The following SIPA1L1 variants were observed in gnomAD, a reference collection of about 807,000 sequenced individuals.
SIPA1L1 encodes signal induced proliferation associated 1 like 1.
Under a neutral mutation model 162.7 loss-of-function variants are expected in SIPA1L1, and 26 were observed. The observed-to-expected ratio is 0.16, with a 90% CI of 0.12 to 0.22. The LOEUF (loss-of-function observed/expected upper bound fraction) is 0.22, where lower values mean the gene tolerates loss of function less well. Ranked by LOEUF, SIPA1L1 falls within the 10% of genes least tolerant of loss-of-function variation. SIPA1L1 has a pLI of 1.00. For missense variants in SIPA1L1, 1,874 were observed against 2,241.0 expected, an observed-to-expected ratio of 0.84 and a Z score of 3.31; for synonymous variants, 829 against 837.4, an observed-to-expected ratio of 0.99 and a Z score of 0.17.
At chr14:71,654,053 T>C (rs1332825367) in intron 8 of SIPA1L1, among the ~76,000 whole-genome samples, 1 of 152,248 alleles carries the variant, frequency 6.6e-6, no homozygotes, top group African/African-American at 2.4e-5. Context: ...GAGATAGCTC[T>C]ACTTCATGCA....
chr14:71,738,946 G>A lies in SIPA1L1; in HGVS notation c.5209-72G>A, dbSNP rs554267952. The A allele has an allele frequency of 2.3e-4, 343 of 1,520,152 alleles. 4 individuals carry two copies. In the South Asian group the frequency reaches 3.9e-3, roughly 17 times the overall value. 94.2% of individuals were successfully genotyped at this position (1,520,152 alleles called of 1,614,324 possible). A position where few individuals can be genotyped will look rare whatever the true frequency, so the allele number is the denominator to read the frequency against. On this transcript the variant is annotated intron_variant, in intron 23 of 23. Coordinates refer to ENST00000381232, the MANE Select transcript of SIPA1L1 (RefSeq NM_001386936.1). ...GACAAAAGATCAAAACGGGTCCATA[G>A]CTATTACTCAGAAGAGCTGGGCAAG... is the stretch of plus-strand genomic sequence containing the variant.
chr14:71,521,309 C>T (rs1258436043), intron 3 of SIPA1L1, among the ~76,000 whole-genome samples: 1 of 152,154 alleles, frequency 6.6e-6, no homozygotes, highest in Non-Finnish European at 1.5e-5. Context: ...AGGGACATCT[C>T]TGTATTTTTA....
rs1336097740 is a variant in SIPA1L1 at position 71,738,253 on chromosome 14, C to G, written c.5136C>G (p.Ser1712=). 6.2e-7 allele frequency: 1 copy of G among 1,611,892 alleles called. No homozygotes were observed. Among genetic ancestry groups the G allele is most frequent in the Admixed American group, 1.7e-5 (1 of 59,934 alleles). The change falls in exon 23 of 24, where the codon TCC becomes TCG. Residue 1712 remains serine, a synonymous_variant. Transcript: ENST00000381232. ...QMKPYSSSKD[S]SPTLASKVDQ... ...TTCTTGTTCCCAGCAGTAAAGACTC[C>G]TCTCCCACTCTGGCTTCTAAAGTGG...
intron 17 of SIPA1L1, among the ~76,000 whole-genome samples, chr14:71,722,619 A>T (rs1384666751): frequency 6.6e-6 from 1 of 152,232 alleles, no homozygotes; most frequent in African/African-American, 2.4e-5. Context: ...CACTTTTAAC[A>T]TGAGTTTTAG....
chr14:71,376,063 G>T (rs1213142895), intron 2 of SIPA1L1, among the ~76,000 whole-genome samples: 1 of 151,976 alleles, frequency 6.6e-6, no homozygotes. Context: ...AATGAGTTGG[G>T]CTTTGATCCC....
chr14:71,615,680 T>C (rs1461565394), intron 5 of SIPA1L1, among the ~76,000 whole-genome samples: 1 of 152,150 alleles, frequency 6.6e-6, no homozygotes, highest in East Asian at 1.9e-4. Context: ...CAGATGTGCG[T>C]GGGACAAACG....
At chr14:71,556,895 C>T (rs1022291928) in intron 4 of SIPA1L1, among the ~76,000 whole-genome samples, 18 of 151,908 alleles carry the variant, frequency 1.2e-4, no homozygotes, top group South Asian at 2.1e-4. Context: ...CTTTCCTTCC[C>T]GTAGGATATG....
At chr14:71,346,650 G>C (rs974050972) in intron 2 of SIPA1L1, among the ~76,000 whole-genome samples, 16 of 152,178 alleles carry the variant, frequency 1.1e-4, no homozygotes, top group African/African-American at 3.9e-4. Flanking sequence ...AGTCAACAAA[G>C]TGTTCAGGGT....
intron 2 of SIPA1L1, among the ~76,000 whole-genome samples, chr14:71,363,842 G>A (rs1423020452): frequency 2.0e-5 from 3 of 152,156 alleles, no homozygotes; most frequent in African/African-American, 7.2e-5. Flanking sequence ...GATGATGTGT[G>A]GACCTATTTT....
intron 7 of SIPA1L1, among the ~76,000 whole-genome samples, chr14:71,649,033 A>G (rs140994457): frequency 1.4e-3 from 212 of 152,302 alleles, no homozygotes; most frequent in Non-Finnish European, 2.5e-3. Context: ...CTGGCATATG[A>G]TAGGTATTCA....
At chr14:71,392,590 C>T (rs535891617) in intron 2 of SIPA1L1, among the ~76,000 whole-genome samples, 1 of 152,162 alleles carries the variant, frequency 6.6e-6, no homozygotes, top group South Asian at 2.1e-4. Context: ...TGCAGTGGTG[C>T]GATCTCGGCT....
intron 2 of SIPA1L1, among the ~76,000 whole-genome samples, chr14:71,478,642 C>T (rs1256828657): frequency 1.3e-5 from 2 of 151,978 alleles, no homozygotes; most frequent in African/African-American, 2.4e-5. Context: ...GTACCTTTAC[C>T]AAGAATCAAT....
chr14:71,393,062 G>T (rs555676361), intron 2 of SIPA1L1, among the ~76,000 whole-genome samples: 9 of 152,296 alleles, frequency 5.9e-5, no homozygotes, highest in African/African-American at 2.2e-4. Context: ...TGAACTTACC[G>T]ATTGGTTGAT....
rs111782536 is a variant in SIPA1L1, at chr14:71,644,033, C to G, written c.1819-6302C>G. ...ATGTTAGTCAGGCTGGTCTCAAACT[C>G]CTGACCTTGTGATTTGCACACCTCG... On this transcript the variant is annotated intron_variant, in intron 7 of 23. Coordinates refer to ENST00000381232, the MANE Select transcript of SIPA1L1 (RefSeq NM_001386936.1). Among the ~76,000 whole-genome samples, 363 of 152,238 alleles carry G rather than the reference C, an allele frequency of 2.4e-3. 1 individual carries two copies. The highest frequency in any genetic ancestry group is 8.1e-3 in the African/African-American group (338 of 41,552).
At chr14:71,346,619 A>T (rs1414853477) in intron 2 of SIPA1L1, among the ~76,000 whole-genome samples, 1 of 152,226 alleles carries the variant, frequency 6.6e-6, no homozygotes, top group Non-Finnish European at 1.5e-5. Context: ...GGTAAGCAAA[A>T]GCGGGGATGG....
chr14:71,645,462 G>A (rs2042075063), intron 7 of SIPA1L1, among the ~76,000 whole-genome samples: 1 of 152,224 alleles, frequency 6.6e-6, no homozygotes, highest in Non-Finnish European at 1.5e-5. Context: ...AGTTGAACAA[G>A]TGCTTTTCCT....
At chr14:71,626,378 T>C (rs2039986206) in intron 7 of SIPA1L1, among the ~76,000 whole-genome samples, 2 of 152,116 alleles carry the variant, frequency 1.3e-5, no homozygotes, top group Admixed American at 1.3e-4. Context: ...CACCGGGGGT[T>C]AGCCTCTGTC....
chr14:71,484,345 A>T lies in SIPA1L1; in HGVS notation c.-464-28398A>T, dbSNP rs537789795. On this transcript the variant is annotated intron_variant, in intron 2 of 23. Coordinates refer to ENST00000381232, the MANE Select transcript of SIPA1L1 (RefSeq NM_001386936.1). The stretch of plus-strand genomic sequence containing the variant: ...TGAACTTTCTCGTCTTTTATCTTTG[A>T]TACTCAAATAAGTAATCTAGCTACT... Among the ~76,000 whole-genome samples the T allele has an allele frequency of 4.0e-5, 5 of 124,800 alleles. No homozygotes were observed. In the South Asian group the frequency reaches 9.7e-4, roughly 24 times the overall value. The allele number at this position is 124,800 out of a possible 152,430, so 81.9% of individuals were successfully genotyped here.
chr14:71,629,019 G>A (rs1206199755), intron 7 of SIPA1L1, among the ~76,000 whole-genome samples: 2 of 152,034 alleles, frequency 1.3e-5, no homozygotes, highest in African/African-American at 4.8e-5. Context: ...CTCACTGCAA[G>A]CTCCACCTCC....
Sources: allele counts gnomAD v4.1 joint callset (sites outside exome capture counted in the v4.1 genomes callset), GRCh38; gene constraint gnomAD v4.1.1; transcripts MANE v1.5; gene names NCBI Gene and HGNC (gene_info 2026-07-23, HGNC 2026-07-21).